RYR2: variants seen among roughly 807,000 people sequenced by gnomAD.
RYR2 encodes the protein cardiac muscle ryanodine receptor-calcium release channel.
A neutral mutation model predicts 601.1 loss-of-function variants in RYR2; 227 were observed. The ratio of observed to expected loss-of-function variants is 0.38; its 90% CI spans 0.34 to 0.42. RYR2 has a LOEUF of 0.42. Among genes scored for constraint, RYR2 ranks in the 10% least tolerant of loss-of-function variants. The pLI is 1.00. For synonymous variants in RYR2, 2,223 were observed against 2,175.1 expected (o/e 1.02, Z -0.61); for missense variants, 4,646 against 6,156.5 (o/e 0.75, Z 8.21).
chr1:237,804,814 C>T (rs757665857), intron 98 of RYR2, among the ~76,000 whole-genome samples: 1 of 152,090 alleles, frequency 6.6e-6, no homozygotes, highest in Non-Finnish European at 1.5e-5. Context: ...TCAGCAAACA[C>T]TGATTTAGTC....
At chr1:237,717,694 A>G (rs1255254077) in intron 72 of RYR2, among the ~76,000 whole-genome samples, 1 of 152,180 alleles carries the variant, frequency 6.6e-6, no homozygotes, top group African/African-American at 2.4e-5. Flanking sequence ...AAATTTATGA[A>G]GGGTGATTTT....
intron 1 of RYR2, among the ~76,000 whole-genome samples, chr1:237,047,442 G>C (rs1319379636): frequency 9.7e-6 from 1 of 103,312 alleles, no homozygotes; most frequent in Non-Finnish European, 1.9e-5. Flanking sequence ...GGTTTATCTT[G>C]AAGCCTGTTA....
chr1:237,214,641 G>A (rs377319536), intron 1 of RYR2, among the ~76,000 whole-genome samples: 3 of 152,134 alleles, frequency 2.0e-5, no homozygotes, highest in African/African-American at 7.2e-5. Context: ...TTCAACATGA[G>A]CTTTGGAGGT....
intron 92 of RYR2, 60 bp downstream of exon 92, chr1:237,788,195 C>A (rs1379475894): frequency 7.2e-7 from 1 of 1,397,108 alleles, no homozygotes; most frequent in Non-Finnish European, 9.8e-7. Context: ...ATAATTTAGG[C>A]TCAGTAAATG....
chr1:237,275,126 C>T (rs983792858), intron 2 of RYR2, among the ~76,000 whole-genome samples: 6 of 151,510 alleles, frequency 4.0e-5, no homozygotes, highest in Admixed American at 3.3e-4. Flanking sequence ...ACACCGCACA[C>T]ATAAAATGTT....
At chr1:237,672,649 ATTG>A (rs768736012) in intron 58 of RYR2, among the ~76,000 whole-genome samples, 11 of 152,162 alleles carry the variant, frequency 7.2e-5, no homozygotes, top group Non-Finnish European at 1.6e-4. Flanking sequence ...TATATAATAA[ATTG>A]TTGTTAATTA....
intron 49 of RYR2, 35 bp from the exon 50 acceptor site, chr1:237,649,842 C>A: frequency 6.3e-7 from 1 of 1,589,348 alleles, no homozygotes; most frequent in Non-Finnish European, 8.6e-7. Context: ...TACTGCCAAA[C>A]ACAAATGGCC....
At chr1:237,694,195 G>A (rs184599826) in intron 63 of RYR2, among the ~76,000 whole-genome samples, 121 of 151,734 alleles carry the variant, frequency 8.0e-4, no homozygotes, top group African/African-American at 2.9e-3. Context: ...TCGGGAGGCT[G>A]AGGCAGGAGA....
intron 100 of RYR2, 138 bp downstream of exon 100, chr1:237,809,173 A>G (rs1417864515): frequency 1.3e-6 from 1 of 797,950 alleles, no homozygotes; most frequent in Non-Finnish European, 2.0e-6. Context: ...CTGTTTAAAG[A>G]TTCAGCAGTT....
intron 1 of RYR2, among the ~76,000 whole-genome samples, chr1:237,117,774 C>T (rs950237603): frequency 2.2e-5 from 3 of 137,482 alleles, no homozygotes; most frequent in African/African-American, 5.4e-5. Context: ...GAGACAGAGT[C>T]TCCCTCTGTT....
intron 91 of RYR2, among the ~76,000 whole-genome samples, chr1:237,787,617 A>G (rs1281393686): frequency 2.6e-5 from 4 of 151,300 alleles, no homozygotes; most frequent in Non-Finnish European, 5.9e-5. Context: ...AAAAAAAAAA[A>G]AGGATTGAAA....
At chr1:237,710,959 T>G (rs1688788495) in intron 70 of RYR2, among the ~76,000 whole-genome samples, 1 of 152,214 alleles carries the variant, frequency 6.6e-6, no homozygotes, top group Non-Finnish European at 1.5e-5. Context: ...GTTACTTCAC[T>G]TAGAATGCCT....
chr1:237,651,893 C>T (rs896099287), intron 51 of RYR2, among the ~76,000 whole-genome samples: 5 of 152,008 alleles, frequency 3.3e-5, no homozygotes, highest in Admixed American at 1.3e-4. Context: ...AAAAATTAGC[C>T]GGACGTGGTG....
intron 84 of RYR2, among the ~76,000 whole-genome samples, chr1:237,765,120 T>G (rs1041814896): frequency 6.6e-6 from 1 of 152,074 alleles, no homozygotes. Flanking sequence ...TATTTTATAT[T>G]TATATGTGTT....
chr1:237,648,663 C>T (rs775601267), intron 49 of RYR2, 50 bp downstream of exon 49: 1 of 1,538,168 alleles, frequency 6.5e-7, no homozygotes, highest in Non-Finnish European at 8.8e-7. Context: ...TCACTCTGTG[C>T]CTTATGATGT....
At chr1:237,727,738 G>A (rs1194534868) in intron 76 of RYR2, among the ~76,000 whole-genome samples, 1 of 152,056 alleles carries the variant, frequency 6.6e-6, no homozygotes, top group African/African-American at 2.4e-5. Flanking sequence ...TTAGCATTAG[G>A]GGAAAAGAAC....
At chr1:237,233,372 G>T (rs552794517) in intron 1 of RYR2, among the ~76,000 whole-genome samples, 7 of 152,308 alleles carry the variant, frequency 4.6e-5, no homozygotes, top group African/African-American at 1.7e-4. Flanking sequence ...CACAAGCTCA[G>T]CTACATCAGT....
intron 1 of RYR2, among the ~76,000 whole-genome samples, chr1:237,237,073 T>C (rs991929738): frequency 6.6e-6 from 1 of 152,254 alleles, no homozygotes; most frequent in Non-Finnish European, 1.5e-5. Flanking sequence ...CTCTTTGTGC[T>C]CTCCCTCTCT....
At chr1:237,347,573 T>C (rs1004448992) in intron 3 of RYR2, among the ~76,000 whole-genome samples, 5 of 152,156 alleles carry the variant, frequency 3.3e-5, no homozygotes, top group African/African-American at 7.2e-5. Context: ...TGGGGTTTTG[T>C]TGGGAAGAAA....
Sources: allele counts gnomAD v4.1 joint callset (sites outside exome capture counted in the v4.1 genomes callset), GRCh38; gene constraint gnomAD v4.1.1; transcripts MANE v1.5; gene names NCBI Gene and HGNC (gene_info 2026-07-23, HGNC 2026-07-21).